Variants in CCDC14 observed in about 807,000 individuals in gnomAD.
The protein encoded by CCDC14 is coiled-coil domain-containing protein 14.
In CCDC14, 71 loss-of-function variants were observed where a neutral mutation model predicts 81.4. That is an observed-to-expected ratio of 0.87 (90% CI 0.72 to 1.06). The LOEUF is 1.06. CCDC14 is among the 50% of genes least tolerant of loss of function. CCDC14 has a pLI of 0.00. For synonymous variants in CCDC14, 332 were observed against 364.8 expected (o/e 0.91, Z 1.03); for missense variants, 1,046 against 1,047.3 (o/e 1.00, Z 0.02).
chr3:123,940,832 C>A (rs560373342), intron 9 of CCDC14, among the ~76,000 whole-genome samples: 8 of 152,168 alleles, frequency 5.3e-5, no homozygotes, highest in Non-Finnish European at 1.0e-4. Flanking sequence ...TCCAGACAGT[C>A]TAACTCAGCA....
chr3:123,960,912 CA>C (rs1056192212), intron 1 of CCDC14, among the ~76,000 whole-genome samples: 1 of 152,182 alleles, frequency 6.6e-6, no homozygotes, highest in Non-Finnish European at 1.5e-5. Context: ...GGCCTGACCC[CA>C]AAGCCGGCGC....
In CCDC14 at chr3:123,945,858, C is replaced by T. The variant is rs189338219; in HGVS notation, c.1202-868G>A. On this transcript the variant is annotated intron_variant, in intron 8 of 12. Transcript: ENST00000409697. ...CTTTATTTATTTATTTATTTTGAGA[C>T]GGAGTCTCAGTTTCCTCATCAGTAA... 2.6e-3 allele frequency among the ~76,000 whole-genome samples: 394 copies of T among 152,168 alleles called. 2 individuals carry two copies. Among genetic ancestry groups the T allele is most frequent in the African/African-American group, 9.2e-3 (383 of 41,524 alleles).
chr3:123,914,694 C>T lies in CCDC14; in HGVS notation c.*85G>A, dbSNP rs1434247133. 5 of 1,443,698 alleles carry T rather than the reference C, an allele frequency of 3.5e-6. No homozygotes were observed. The East Asian group carries it at 1.2e-4, about 36-fold the overall frequency. The allele number at this position is 1,443,698 out of a possible 1,614,324, so 89.4% of individuals were successfully genotyped here. ...TTACTTCACACATAATAACATAAAACATCATTTCACTAAAGAAAAATACAC... is the reference window on the plus strand; with the variant it reads ...TTACTTCACACATAATAACATAAAATATCATTTCACTAAAGAAAAATACAC... On this transcript the variant is annotated 3_prime_UTR_variant, in exon 13 of 13. Transcript: ENST00000409697.
At chr3:123,934,270 C>CAAAAAAAAAAAAA (rs61094944) in intron 9 of CCDC14, among the ~76,000 whole-genome samples, 6 of 52,290 alleles carry the variant, frequency 1.1e-4, no homozygotes, top group African/African-American at 5.1e-4. Context: ...GACTCTGCCT[C>CAAAAAAAAAAAAA]AAAAAAAAAA....
At chr3:123,927,617 G>A (rs1295886845) in intron 12 of CCDC14, among the ~76,000 whole-genome samples, 25 of 151,744 alleles carry the variant, frequency 1.6e-4, no homozygotes. Context: ...CAGGATTTAT[G>A]CCCAGCATAA....
intron 12 of CCDC14, among the ~76,000 whole-genome samples, chr3:123,927,680 C>T (rs1245032145): frequency 6.6e-6 from 1 of 151,616 alleles, no homozygotes; most frequent in East Asian, 1.9e-4. Context: ...TTTAGTCTTA[C>T]GAAAAGGAGA....
the CCDC14 span, among the ~76,000 whole-genome samples, chr3:123,890,451 C>G: frequency 6.6e-6 from 1 of 152,172 alleles, no homozygotes; most frequent in Non-Finnish European, 1.5e-5. Flanking sequence ...TAGTTACTTC[C>G]TAGATACAAT....
intron 9 of CCDC14, among the ~76,000 whole-genome samples, chr3:123,939,021 T>G (rs1183537027): frequency 6.6e-6 from 1 of 151,966 alleles, no homozygotes; most frequent in Admixed American, 6.6e-5. Context: ...CTGTCTACTC[T>G]TTTGTTTGAA....
chr3:123,945,038 C>T lies in CCDC14; in HGVS notation c.1202-48G>A. The T allele has an allele frequency of 3.6e-6, 5 of 1,377,162 alleles. No homozygotes were observed. In the South Asian group the frequency reaches 7.6e-5, roughly 21 times the overall value. 85.3% of individuals were successfully genotyped at this position (1,377,162 alleles called of 1,614,324 possible). On this transcript the variant is annotated intron_variant, in intron 8 of 12. Transcript: ENST00000409697. ...GTAAAATCAATATTATATTTTTGGA[C>T]AAGATTATTAGTATGTATTACTAAA...
intron 12 of CCDC14, among the ~76,000 whole-genome samples, chr3:123,923,373 A>G (rs768684788): frequency 2.5e-4 from 38 of 152,062 alleles, no homozygotes; most frequent in Admixed American, 1.9e-3. Context: ...ATCAAGAGTA[A>G]GGTAAGAAGG....
intron 8 of CCDC14, among the ~76,000 whole-genome samples, chr3:123,946,557 A>G (rs942358043): frequency 6.6e-6 from 1 of 152,142 alleles, no homozygotes; most frequent in Non-Finnish European, 1.5e-5. Flanking sequence ...TCTATTATCA[A>G]GCAGAATAAA....
chr3:123,954,689 G>C (rs2037223742), intron 5 of CCDC14: 1 of 151,700 alleles, frequency 6.6e-6, no homozygotes, highest in African/African-American at 2.4e-5. Context: ...AGAAATACTT[G>C]GTCTATATTT....
chr3:123,959,160 G>C (rs540827525), intron 1 of CCDC14, among the ~76,000 whole-genome samples: 1 of 152,292 alleles, frequency 6.6e-6, no homozygotes, highest in South Asian at 2.1e-4. Context: ...TAAATTCCCA[G>C]AAGTAGAATT....
At position 123,914,377 on chromosome 3, in the gene CCDC14, C is replaced by T. The variant is rs540890902; in HGVS notation, c.*402G>A. ...GCTATTAAAAAAAAGTATATGTAAA[C>T]AGAAAAAAAAAACCCTCTAGTTTCA... is the stretch of plus-strand genomic sequence containing the variant. On this transcript the variant is annotated 3_prime_UTR_variant, in exon 13 of 13. Transcript: ENST00000409697. 1 of 982,518 alleles carries T rather than the reference C, an allele frequency of 1.0e-6. No individual in the cohort carries two copies. The highest frequency in any genetic ancestry group is 1.2e-6 in the Non-Finnish European group (1 of 828,340). 60.9% of individuals were successfully genotyped at this position (982,518 alleles called of 1,614,324 possible).
chr3:123,890,949 A>G, the CCDC14 span, among the ~76,000 whole-genome samples: 2 of 152,238 alleles, frequency 1.3e-5, no homozygotes, highest in African/African-American at 2.4e-5. Flanking sequence ...AGGCATTTCC[A>G]TACTTCCTCT....
At chr3:123,898,283 C>T (rs1301401885) in intron 5 of CCDC14, among the ~76,000 whole-genome samples, 1 of 152,228 alleles carries the variant, frequency 6.6e-6, no homozygotes, top group African/African-American at 2.4e-5. Context: ...CAAGAGCGCA[C>T]ATTGCAAAGC....
chr3:123,956,143 C>T (rs1458876004), intron 3 of CCDC14, 28 bp from the exon 4 acceptor site: 18 of 1,506,832 alleles, frequency 1.2e-5, no homozygotes, highest in Non-Finnish European at 1.4e-5. Flanking sequence ...ATTTAGAATA[C>T]ATTTGTATAT....
At position 123,914,613 on chromosome 3, in the gene CCDC14, A is replaced by G; in HGVS notation, c.*166T>C. Reference sequence around the variant, plus strand: ...TGTGAACTTAAGATGACTTGTTTTTATAAGCTCCTCAGTGTCAATATATCT... The same window carrying G: ...TGTGAACTTAAGATGACTTGTTTTTGTAAGCTCCTCAGTGTCAATATATCT... On this transcript the variant is annotated 3_prime_UTR_variant, in exon 13 of 13. Transcript: ENST00000409697. 7.7e-7 allele frequency: 1 copy of G among 1,292,530 alleles called. No individual in the cohort carries two copies. Among genetic ancestry groups the G allele is most frequent in the Non-Finnish European group, 9.8e-7 (1 of 1,022,798 alleles). 80.1% of individuals were successfully genotyped at this position (1,292,530 alleles called of 1,614,324 possible). A position where few individuals can be genotyped will look rare whatever the true frequency, so the allele number is the denominator to read the frequency against.
chr3:123,950,023 G>C (rs1266679880), intron 5 of CCDC14, among the ~76,000 whole-genome samples: 3 of 152,060 alleles, frequency 2.0e-5, no homozygotes, highest in African/African-American at 7.2e-5. Flanking sequence ...GTAGAAATCG[G>C]TATTAACAAA....
Sources: gnomAD v4.1 joint callset for allele counts (sites outside exome capture counted in the v4.1 genomes callset) on GRCh38, gnomAD v4.1.1 for gene constraint, MANE v1.5 for transcripts, NCBI Gene and HGNC (gene_info 2026-07-23, HGNC 2026-07-21) for gene names.